Variants in RYR2 observed in about 807,000 individuals in gnomAD.
The protein encoded by RYR2 is cardiac muscle ryanodine receptor-calcium release channel.
A neutral mutation model predicts 601.1 loss-of-function variants in RYR2; 227 were observed. The ratio of observed to expected loss-of-function variants is 0.38; its 90% CI spans 0.34 to 0.42. The LOEUF (loss-of-function observed/expected upper bound fraction) is 0.42, where lower values mean the gene tolerates loss of function less well. Ranked by LOEUF, RYR2 falls within the 10% of genes least tolerant of loss-of-function variation. The pLI is 1.00. For synonymous variants in RYR2, 2,223 were observed against 2,175.1 expected (o/e 1.02, Z -0.61); for missense variants, 4,646 against 6,156.5 (o/e 0.75, Z 8.21).
At chr1:237,635,543 C>A (rs1680787757) in intron 44 of RYR2, among the ~76,000 whole-genome samples, 1 of 152,156 alleles carries the variant, frequency 6.6e-6, no homozygotes, top group South Asian at 2.1e-4. Context: ...GTATTACCAG[C>A]ATTTAGAGAA....
chr1:237,148,206 CT>C (rs1674227590), intron 1 of RYR2, among the ~76,000 whole-genome samples: 1 of 152,012 alleles, frequency 6.6e-6, no homozygotes, highest in African/African-American at 2.4e-5. Context: ...TTTAACCTCT[CT>C]TTTTAAAAGG....
intron 87 of RYR2, among the ~76,000 whole-genome samples, chr1:237,775,075 C>CAA (rs5781992): frequency 0.056 from 5,057 of 90,344 alleles, 175 homozygotes; most frequent in East Asian, 0.19. Flanking sequence ...CAATAAGAAC[C>CAA]AAAAAAAAAA....
chr1:237,481,896 T>C (rs1291462779), intron 17 of RYR2, among the ~76,000 whole-genome samples: 1 of 150,846 alleles, frequency 6.6e-6, no homozygotes, highest in Non-Finnish European at 1.5e-5. Context: ...ATGTCTTCTC[T>C]ACAGCAAACT....
chr1:237,192,278 G>T (rs756641343), intron 1 of RYR2, among the ~76,000 whole-genome samples: 4 of 152,042 alleles, frequency 2.6e-5, no homozygotes, highest in African/African-American at 7.2e-5. Context: ...GTGTGATCTT[G>T]GTTCACTGCA....
At chr1:237,644,226 G>GT (rs1681884013) in intron 48 of RYR2, among the ~76,000 whole-genome samples, 2 of 151,852 alleles carry the variant, frequency 1.3e-5, no homozygotes, top group South Asian at 4.2e-4. Flanking sequence ...AGTGTTTGTT[G>GT]TTTTTTTGGT....
intron 84 of RYR2, among the ~76,000 whole-genome samples, chr1:237,763,022 T>C (rs967096132): frequency 6.6e-6 from 1 of 152,230 alleles, no homozygotes; most frequent in African/African-American, 2.4e-5. Flanking sequence ...TGTTGTAGAC[T>C]GTTTTAACAA....
rs371599450 is a variant in RYR2, at chr1:237,783,961, C to T, written c.12249C>T (p.Phe4083=). 4 of 1,613,646 alleles carry T rather than the reference C, an allele frequency of 2.5e-6. No individual in the cohort carries two copies. The highest frequency in any genetic ancestry group is 8.5e-7 in the Non-Finnish European group (1 of 1,179,730). ...ATGAAACCCTCGACTACGAAGAGTTCGTCAAACGCTTCCACGAACCTGCGA... is the reference window on the plus strand; with the variant it reads ...ATGAAACCCTCGACTACGAAGAGTTTGTCAAACGCTTCCACGAACCTGCGA... ...DENETLDYEE[F]VKRFHEPAKD... Residue 4083 remains phenylalanine, a synonymous_variant, in exon 90 of 105, where the codon TTC becomes TTT. Transcript: ENST00000366574.
At chr1:237,664,332 C>A (rs923857786) in intron 56 of RYR2, among the ~76,000 whole-genome samples, 2 of 152,074 alleles carry the variant, frequency 1.3e-5, no homozygotes, top group African/African-American at 4.8e-5. Flanking sequence ...TCAAATAGAT[C>A]AGTGATGAAA....
chr1:237,578,919 C>T (rs1673576949), intron 29 of RYR2, among the ~76,000 whole-genome samples: 1 of 152,158 alleles, frequency 6.6e-6, no homozygotes, highest in South Asian at 2.1e-4. Flanking sequence ...GAAATGGTCT[C>T]TTCCTTGATG....
intron 100 of RYR2, among the ~76,000 whole-genome samples, chr1:237,809,876 C>T (rs790884): frequency 0.21 from 31,467 of 151,574 alleles, 3,631 homozygotes; most frequent in East Asian, 0.5. Context: ...CAAATACTCA[C>T]GGAAATTAAA....
intron 21 of RYR2, among the ~76,000 whole-genome samples, chr1:237,501,747 A>G (rs867187854): frequency 1.3e-5 from 2 of 152,182 alleles, no homozygotes; most frequent in African/African-American, 2.4e-5. Context: ...TATACAAATT[A>G]TGTTTCTATA....
At chr1:237,317,790 C>T (rs888892855) in intron 2 of RYR2, among the ~76,000 whole-genome samples, 8 of 152,046 alleles carry the variant, frequency 5.3e-5, no homozygotes, top group Admixed American at 2.0e-4. Context: ...TCACCTCTTA[C>T]GGTTAATGTT....
At chr1:237,776,236 T>C (rs1248600056) in intron 87 of RYR2, among the ~76,000 whole-genome samples, 1 of 152,182 alleles carries the variant, frequency 6.6e-6, no homozygotes, top group African/African-American at 2.4e-5. Flanking sequence ...GATCTATTGC[T>C]TTCAAACCAG....
At chr1:237,767,589 AT>A (rs1693939958) in intron 84 of RYR2, among the ~76,000 whole-genome samples, 1 of 152,246 alleles carries the variant, frequency 6.6e-6, no homozygotes, top group Non-Finnish European at 1.5e-5. Flanking sequence ...ATAAACCTGA[AT>A]TGAAATGATG....
At chr1:237,374,213 G>T (rs953724925) in intron 6 of RYR2, among the ~76,000 whole-genome samples, 5 of 152,120 alleles carry the variant, frequency 3.3e-5, no homozygotes, top group Non-Finnish European at 5.9e-5. Context: ...ATAAGACTCT[G>T]CTGGTACAAC....
In RYR2 at chr1:237,599,586, C is replaced by T. The variant is rs377349944; in HGVS notation, c.4597-2439C>T. Among the ~76,000 whole-genome samples, 21 of 151,964 alleles carry T rather than the reference C, an allele frequency of 1.4e-4. No homozygotes were observed. In the East Asian group the frequency reaches 3.9e-3, roughly 28 times the overall value. ...CTGTAATCCCAGCACTTTGGGAGGCCGAGGCGGGTGGATCATCTGAGGTCA... is the reference window on the plus strand; with the variant it reads ...CTGTAATCCCAGCACTTTGGGAGGCTGAGGCGGGTGGATCATCTGAGGTCA... On this transcript the variant is annotated intron_variant, in intron 34 of 104. Transcript: ENST00000366574.
intron 1 of RYR2, among the ~76,000 whole-genome samples, chr1:237,156,330 A>C (rs1675327974): frequency 6.6e-6 from 1 of 152,224 alleles, no homozygotes; most frequent in Non-Finnish European, 1.5e-5. Flanking sequence ...ACATTTTACC[A>C]CAACACAAAA....
chr1:237,534,623 CT>C (rs1668427055), intron 25 of RYR2, among the ~76,000 whole-genome samples: 1 of 151,860 alleles, frequency 6.6e-6, no homozygotes, highest in Non-Finnish European at 1.5e-5. Context: ...TAAAAATATA[CT>C]TCTAAATAGG....
chr1:237,748,057 C>T (rs1263490244), intron 80 of RYR2, among the ~76,000 whole-genome samples: 1 of 152,072 alleles, frequency 6.6e-6, no homozygotes, highest in African/African-American at 2.4e-5. Flanking sequence ...CGTGTCTTAG[C>T]TCAGATTTCC....
Sources: allele counts gnomAD v4.1 joint callset (sites outside exome capture counted in the v4.1 genomes callset), GRCh38; gene constraint gnomAD v4.1.1; transcripts MANE v1.5; gene names NCBI Gene and HGNC (gene_info 2026-07-23, HGNC 2026-07-21).